LINGO2: variants seen among roughly 807,000 people sequenced by gnomAD.
LINGO2 encodes the protein leucine-rich repeat and immunoglobulin-like domain-containing nogo receptor-interacting protein 2.
In LINGO2, 14 loss-of-function variants were observed where a neutral mutation model predicts 30.6. That is an observed-to-expected ratio of 0.46 (90% confidence interval 0.30 to 0.72). The LOEUF (loss-of-function observed/expected upper bound fraction) is 0.72, where lower values mean the gene tolerates loss of function less well. Ranked by LOEUF, LINGO2 falls within the 30% of genes least tolerant of loss-of-function variation. LINGO2 has a pLI of 0.07. For synonymous variants in LINGO2, 317 were observed against 288.5 expected (o/e 1.10, Z -1.00); for missense variants, 729 against 751.7 (o/e 0.97, Z 0.35).
intron 4 of LINGO2, among the ~76,000 whole-genome samples, chr9:28,100,537 G>C (rs1826383427): frequency 6.6e-6 from 1 of 152,166 alleles, no homozygotes; most frequent in Non-Finnish European, 1.5e-5. Context: ...ATAAAATGTA[G>C]TCACATTTGA....
the LINGO2 span, among the ~76,000 whole-genome samples, chr9:28,680,493 C>T: frequency 6.6e-6 from 1 of 152,120 alleles, no homozygotes; most frequent in South Asian, 2.1e-4. Flanking sequence ...AGGATAGCTG[C>T]ATCATATGGT....
intron 5 of LINGO2, among the ~76,000 whole-genome samples, chr9:27,977,855 T>C (rs919276089): frequency 7.2e-5 from 11 of 151,922 alleles, no homozygotes; most frequent in African/African-American, 2.7e-4. Context: ...ACTATTTTGA[T>C]TTTTAATAGG....
intron 4 of LINGO2, among the ~76,000 whole-genome samples, chr9:28,125,232 T>G (rs550672446): frequency 2.0e-5 from 3 of 152,216 alleles, no homozygotes; most frequent in Non-Finnish European, 4.4e-5. Context: ...TAAATTTCTT[T>G]AGACCTTTCA....
intron 5 of LINGO2, among the ~76,000 whole-genome samples, chr9:28,004,602 T>C (rs766369894): frequency 6.6e-6 from 1 of 151,718 alleles, no homozygotes; most frequent in Admixed American, 6.6e-5. Context: ...TATCAACTAA[T>C]AGTTGATAAA....
At position 27,966,053 on chromosome 9, in the gene LINGO2, T is replaced by G. The variant is rs148158890; in HGVS notation, c.-35-15347A>C. 3.0e-3 allele frequency among the ~76,000 whole-genome samples: 449 copies of G among 152,200 alleles called. 1 individual carries two copies. The highest frequency in any genetic ancestry group is 5.0e-3 in the Non-Finnish European group (341 of 68,004). On this transcript the variant is annotated intron_variant, in intron 5 of 5. Transcript: ENST00000379992. ...ATGAAATGTGATCGTGTACATAAAG[T>G]CAGAGCTCCATACTTTTATTATTAT...
the LINGO2 span, among the ~76,000 whole-genome samples, chr9:28,882,923 C>T: frequency 2.6e-5 from 4 of 152,322 alleles, no homozygotes; most frequent in East Asian, 1.9e-4. Flanking sequence ...TAATTAGTCC[C>T]TTACATACAC....
At chr9:29,185,231 T>A in the LINGO2 span, among the ~76,000 whole-genome samples, 1 of 152,074 alleles carries the variant, frequency 6.6e-6, no homozygotes, top group Non-Finnish European at 1.5e-5. Flanking sequence ...GTACAGAACA[T>A]GCTAGGCCTT....
Position 28,490,588 on chromosome 9 carries a change from A to T in LINGO2, c.-364-14563T>A, listed in dbSNP as rs534601278. Among the ~76,000 whole-genome samples, 13 of 152,284 alleles carry T rather than the reference A, an allele frequency of 8.5e-5. No individual in the cohort carries two copies. The South Asian group carries it at 2.7e-3, about 32-fold the overall frequency. On this transcript the variant is annotated intron_variant, in intron 1 of 5. Transcript: ENST00000379992. ...CTTCATTACAGATTTCCTAAAGGTA[A>T]TCTTGAATTAATTTAGTTTACTTAT...
intron 4 of LINGO2, among the ~76,000 whole-genome samples, chr9:28,094,949 T>C (rs1279611239): frequency 6.6e-6 from 1 of 152,094 alleles, no homozygotes; most frequent in African/African-American, 2.4e-5. Context: ...GGACACTAAT[T>C]GCATAAAATC....
At chr9:28,054,743 A>G (rs1824840596) in intron 4 of LINGO2, among the ~76,000 whole-genome samples, 1 of 152,164 alleles carries the variant, frequency 6.6e-6, no homozygotes, top group Admixed American at 6.5e-5. Context: ...TTATATTGAT[A>G]TCCACAAATA....
the LINGO2 span, among the ~76,000 whole-genome samples, chr9:29,027,963 T>C: frequency 3.3e-5 from 5 of 152,154 alleles, no homozygotes; most frequent in South Asian, 8.3e-4. Context: ...ACTTTCAAGA[T>C]GAGATTAAGC....
At chr9:28,816,464 A>AT in the LINGO2 span, among the ~76,000 whole-genome samples, 2 of 152,172 alleles carry the variant, frequency 1.3e-5, no homozygotes, top group African/African-American at 4.8e-5. Flanking sequence ...ATTCTTTGCA[A>AT]TTTAGGCAAA....
chr9:28,711,304 G>A, the LINGO2 span, among the ~76,000 whole-genome samples: 13,178 of 152,030 alleles, frequency 0.087, 1,868 homozygotes, highest in African/African-American at 0.3. Context: ...TAACAGCTTA[G>A]TGATCAAATA....
At chr9:28,743,359 G>A in the LINGO2 span, among the ~76,000 whole-genome samples, 21 of 151,304 alleles carry the variant, frequency 1.4e-4, no homozygotes, top group Middle Eastern at 0.017. Context: ...GACAGGCCCC[G>A]GTGTGTGATA....
chr9:28,652,125 A>T (rs1021428810), intron 1 of LINGO2, among the ~76,000 whole-genome samples: 1 of 152,068 alleles, frequency 6.6e-6, no homozygotes, highest in Non-Finnish European at 1.5e-5. Context: ...CTATTCTATA[A>T]GCACAAGGAC....
intron 4 of LINGO2, among the ~76,000 whole-genome samples, chr9:28,090,089 A>C (rs915962743): frequency 6.6e-6 from 1 of 152,190 alleles, no homozygotes; most frequent in Non-Finnish European, 1.5e-5. Context: ...CCAACCAAAA[A>C]AAGTCCAGGA....
intron 3 of LINGO2, among the ~76,000 whole-genome samples, chr9:28,342,020 A>G (rs1335480017): frequency 1.3e-5 from 2 of 152,136 alleles, no homozygotes; most frequent in Non-Finnish European, 2.9e-5. Flanking sequence ...TCCAAATACC[A>G]AAAAAAGGAG....
intron 5 of LINGO2, among the ~76,000 whole-genome samples, chr9:27,980,661 A>G (rs747508782): frequency 6.6e-6 from 1 of 151,800 alleles, no homozygotes; most frequent in Non-Finnish European, 1.5e-5. Flanking sequence ...TATGCTGTTC[A>G]TTTCTGGTCC....
the LINGO2 span, among the ~76,000 whole-genome samples, chr9:28,987,412 T>G: frequency 6.2e-4 from 94 of 152,192 alleles, no homozygotes; most frequent in Non-Finnish European, 1.0e-3. Context: ...ATTTATAATT[T>G]TATTTATTTG....
Sources: gnomAD v4.1 joint callset for allele counts (sites outside exome capture counted in the v4.1 genomes callset) on GRCh38, gnomAD v4.1.1 for gene constraint, MANE v1.5 for transcripts, NCBI Gene and HGNC (gene_info 2026-07-23, HGNC 2026-07-21) for gene names.